Variants in GART observed in about 807,000 individuals in gnomAD.
GART encodes the protein trifunctional purine biosynthetic protein adenosine-3.
Under a neutral mutation model 107.2 loss-of-function variants are expected in GART, and 43 were observed. The ratio of observed to expected loss-of-function variants is 0.40; its 90% CI spans 0.31 to 0.52. The LOEUF is 0.52. GART is among the 20% of genes least tolerant of loss of function. GART has a pLI of 0.52. For missense variants in GART, 1,107 were observed against 1,206.5 expected (o/e 0.92, Z 1.22); for synonymous variants, 434 against 427.0 (o/e 1.02, Z -0.20).
intron 19 of GART, 23 bp from the exon 20 acceptor site, chr21:33,505,725 C>T (rs1255361186): frequency 6.4e-7 from 1 of 1,559,658 alleles, no homozygotes; most frequent in South Asian, 1.2e-5. Context: ...AAGATAAGCA[C>T]AACCCTTTTC....
intron 1 of GART, among the ~76,000 whole-genome samples, chr21:33,539,690 C>CA (rs879552242): frequency 0.024 from 3,176 of 132,990 alleles, 102 homozygotes; most frequent in African/African-American, 0.08. Flanking sequence ...AAGACCATCT[C>CA]AAAAAAAAAA....
intron 11 of GART, chr21:33,524,568 A>T: frequency 4.0e-6 from 5 of 1,258,014 alleles, no homozygotes; most frequent in Non-Finnish European, 5.0e-6. Flanking sequence ...TAAACTTTCC[A>T]AACTTACGCT....
At chr21:33,520,726 T>A (rs376062510) in intron 13 of GART, 164 bp from the exon 14 acceptor site, 1 of 707,268 alleles carries the variant, frequency 1.4e-6, no homozygotes, top group African/African-American at 1.8e-5. Context: ...TACCCTTCCA[T>A]CCAAATATAA....
At chr21:33,514,285 A>C (rs1314592736) in intron 16 of GART, among the ~76,000 whole-genome samples, 2 of 151,842 alleles carry the variant, frequency 1.3e-5, no homozygotes, top group African/African-American at 4.9e-5. Context: ...AACAAACAAA[A>C]AAACCCCCAG....
chr21:33,519,498 G>A (rs556407439), intron 14 of GART, among the ~76,000 whole-genome samples: 2 of 150,872 alleles, frequency 1.3e-5, no homozygotes, highest in South Asian at 4.2e-4. Context: ...AGCTTGCAGT[G>A]AGCCAAGATT....
At chr21:33,520,781 A>G (rs1176129643) in intron 13 of GART, 125 bp downstream of exon 13, 1 of 780,282 alleles carries the variant, frequency 1.3e-6, no homozygotes, top group African/African-American at 1.8e-5. Context: ...TATTTTAGCC[A>G]TTTTACATGG....
intron 4 of GART, among the ~76,000 whole-genome samples, chr21:33,534,109 C>T (rs946587631): frequency 2.0e-5 from 3 of 152,160 alleles, no homozygotes; most frequent in Non-Finnish European, 2.9e-5. Flanking sequence ...AAAACGACAA[C>T]CCACATAATA....
intron 4 of GART, 46 bp from the exon 5 acceptor site, chr21:33,532,502 T>G (rs1601221822): frequency 7.2e-7 from 1 of 1,397,952 alleles, no homozygotes; most frequent in Non-Finnish European, 1.0e-6. Flanking sequence ...CCATTACAAC[T>G]CAAGATTTTA....
rs114707655 is a variant in GART, at chr21:33,527,030, A to T, written c.1066+1137T>A. Among the ~76,000 whole-genome samples the T allele has an allele frequency of 4.5e-3, 679 of 152,360 alleles. 8 individuals carry two copies. Among genetic ancestry groups the T allele is most frequent in the African/African-American group, 0.015 (639 of 41,588 alleles). ...TAAAACTCAATATTGCTCTGGCAGA[A>T]CTATTATACACTTGTTACTTCAATC... is the stretch of plus-strand genomic sequence containing the variant. On this transcript the variant is annotated intron_variant, in intron 10 of 21. Transcript: ENST00000381815.
chr21:33,522,399 A>C (rs1271921563), intron 11 of GART, 117 bp from the exon 12 acceptor site: 13 of 776,318 alleles, frequency 1.7e-5, no homozygotes, highest in Middle Eastern at 3.7e-4. Context: ...AAGTGCTTAA[A>C]TTTTTTTAAA....
intron 16 of GART, among the ~76,000 whole-genome samples, chr21:33,511,986 T>TCGGC (rs1004035238): frequency 1.3e-5 from 2 of 152,018 alleles, no homozygotes; most frequent in Non-Finnish European, 2.9e-5. Flanking sequence ...ATACATTCTC[T>TCGGC]CGGCCGGGCG....
rs1453389521 is a variant in GART, at chr21:33,517,621, G to A, written c.1703-13C>T. ...GCTGTTTCACCTCCTGGTGGGATAA[G>A]ACAAGAACAAAGAAATCAGAGTATT... On this transcript the variant is annotated splice_polypyrimidine_tract_variant and intron_variant, in intron 14 of 21. Transcript: ENST00000381815. 6.2e-7 allele frequency: 1 copy of A among 1,613,288 alleles called. No homozygotes were observed. The highest frequency in any genetic ancestry group is 1.3e-5 in the African/African-American group (1 of 74,894).
chr21:33,523,201 ATG>A (rs369135307), intron 11 of GART, among the ~76,000 whole-genome samples: 34 of 152,330 alleles, frequency 2.2e-4, no homozygotes, highest in African/African-American at 7.9e-4. Context: ...ATGAAGAAAT[ATG>A]TGTTTTTATA....
chr21:33,517,832 C>T (rs1226813757), intron 14 of GART, among the ~76,000 whole-genome samples: 1 of 152,234 alleles, frequency 6.6e-6, no homozygotes, highest in Non-Finnish European at 1.5e-5. Context: ...AGCACCTCTA[C>T]AAGTATATAT....
intron 12 of GART, among the ~76,000 whole-genome samples, chr21:33,521,741 C>T (rs2084977552): frequency 6.6e-6 from 1 of 151,540 alleles, no homozygotes; most frequent in Non-Finnish European, 1.5e-5. Flanking sequence ...GGGCAGATTG[C>T]CTGAGGTCAG....
In GART at chr21:33,505,894, C is replaced by A. The variant is rs148683242; in HGVS notation, c.2583+80G>T. On this transcript the variant is annotated intron_variant, in intron 19 of 21. Coordinates refer to ENST00000381815, the MANE Select transcript of GART (RefSeq NM_000819.5). ...AATGGCGAAGTCCCAAGAACAAGTGCCCATAGACCAGGGTCCTGTGAGGGC... is the reference window on the plus strand; with the variant it reads ...AATGGCGAAGTCCCAAGAACAAGTGACCATAGACCAGGGTCCTGTGAGGGC... 1,347 of 1,561,504 alleles carry A rather than the reference C, an allele frequency of 8.6e-4. 10 individuals carry two copies. The highest frequency in any genetic ancestry group is 6.9e-5 in the Non-Finnish European group (79 of 1,151,608).
intron 10 of GART, among the ~76,000 whole-genome samples, chr21:33,525,706 G>A (rs981388756): frequency 1.3e-5 from 2 of 152,008 alleles, no homozygotes; most frequent in Non-Finnish European, 2.9e-5. Flanking sequence ...CAATGTAATA[G>A]TAATTAGACC....
intron 5 of GART, 54 bp from the exon 6 acceptor site, chr21:33,531,611 T>G: frequency 6.7e-7 from 1 of 1,487,864 alleles, no homozygotes; most frequent in Non-Finnish European, 9.1e-7. Flanking sequence ...CTTGGTAAGT[T>G]TTTGATACTT....
intron 11 of GART, chr21:33,524,527 C>G: frequency 9.0e-7 from 1 of 1,115,386 alleles, no homozygotes; most frequent in African/African-American, 1.6e-5. Context: ...AAATAGAAAA[C>G]AAATAAAAAT....
Sources: gnomAD v4.1 joint callset for allele counts (sites outside exome capture counted in the v4.1 genomes callset) on GRCh38, gnomAD v4.1.1 for gene constraint, MANE v1.5 for transcripts, NCBI Gene and HGNC (gene_info 2026-07-23, HGNC 2026-07-21) for gene names.